Variants in PRKAB1 observed in about 807,000 individuals in gnomAD.
The protein encoded by PRKAB1 is protein kinase AMP-activated non-catalytic subunit beta 1, also known as 5'-AMP-activated protein kinase subunit beta-1.
PRKAB1 carries 18 observed loss-of-function variants against 32.0 expected under a neutral mutation model. That is an observed-to-expected ratio of 0.56 (90% CI 0.39 to 0.83). The LOEUF (loss-of-function observed/expected upper bound fraction) is 0.83, where lower values mean the gene tolerates loss of function less well. PRKAB1 is among the 40% of genes least tolerant of loss of function. The pLI is 0.00. For missense variants in PRKAB1, 263 were observed against 352.6 expected (o/e 0.75, Z 2.03); for synonymous variants, 141 against 141.4 (o/e 1.00, Z 0.02).
At chr12:119,673,672 G>A (rs964318043) in intron 2 of PRKAB1, 3 of 264,402 alleles carry the variant, frequency 1.1e-5, no homozygotes, top group African/African-American at 2.2e-5. Context: ...GGAGCCTTGC[G>A]AGCTTGAGAC....
Position 119,676,631 on chromosome 12 carries a change from TCTC to T in PRKAB1, c.632_634del (p.Leu211del). 1.2e-6 allele frequency: 2 copies of T among 1,612,868 alleles called. No individual in the cohort carries two copies. The highest frequency in any genetic ancestry group is 1.1e-5 in the South Asian group (1 of 91,002). The stretch of plus-strand genomic sequence containing the variant: ...GGGCACCCCCTATTCTCCCCCCACA[TCTC>T]CTCCAGGTCATCCTGAACAAGGACA... On this transcript the variant is annotated inframe_deletion, in exon 5 of 7. Coordinates refer to ENST00000229328, the MANE Select transcript of PRKAB1 (RefSeq NM_006253.5).
In PRKAB1 at chr12:119,674,439, T is replaced by C; in HGVS notation, c.517T>C (p.Cys173Arg). The C allele has an allele frequency of 6.2e-7, 1 of 1,611,922 alleles. No homozygotes were observed. The highest frequency in any genetic ancestry group is 1.1e-5 in the South Asian group (1 of 91,050). The part of the protein sequence containing the change: ...FDALMVDSQK[C>R]SDVSELSSSP... ...TGCTTTAATGGTGGATTCCCAAAAG[T>C]GCTCCGATGTGTCTGGTATGAACAC... The change falls in exon 4 of 7, where the codon TGC becomes CGC. Residue 173 changes from cysteine to arginine, a missense_variant. Physicochemically the swap from Cys to Arg is radical, Grantham distance 180. Transcript: ENST00000229328. This position sits in a 1 kb window ranked among gnomAD's most constrained non-coding sequence, Gnocchi z 4.3.
chr12:119,670,773 CTAGG>C (rs1289661568), intron 1 of PRKAB1, among the ~76,000 whole-genome samples: 3 of 152,198 alleles, frequency 2.0e-5, no homozygotes, highest in African/African-American at 7.2e-5. Context: ...TTTAACTACA[CTAGG>C]GTGCTATTTT....
chr12:119,673,762 CTG>C (rs984464519), intron 2 of PRKAB1, 200 bp from the exon 3 acceptor site: 33 of 447,916 alleles, frequency 7.4e-5, no homozygotes, highest in African/African-American at 4.1e-5. Flanking sequence ...TTTCAGGAAA[CTG>C]TGTCGCACTG....
intron 1 of PRKAB1, among the ~76,000 whole-genome samples, chr12:119,669,116 CA>C (rs143498297): frequency 6.2e-5 from 9 of 145,382 alleles, no homozygotes; most frequent in Admixed American, 6.9e-5. Context: ...GACTTCGTCT[CA>C]AAAAAAAAAT....
intron 6 of PRKAB1, 98 bp from the exon 7 acceptor site, chr12:119,680,150 G>T: frequency 6.7e-7 from 1 of 1,490,126 alleles, no homozygotes; most frequent in Non-Finnish European, 9.3e-7. Flanking sequence ...AAGCTGGCCC[G>T]GGAATTTGTG....
rs769825000 is a variant in PRKAB1 at position 119,668,416 on chromosome 12, T to C, written c.159+13T>C. ...CGAGGAAATCAAGGTGCGAGCGGTG[T>C]GGAGGAACCCGATTCCCCTTGACTA... On this transcript the variant is annotated intron_variant, in intron 1 of 6. Coordinates refer to ENST00000229328, the MANE Select transcript of PRKAB1 (RefSeq NM_006253.5). 3 of 1,611,410 alleles carry C rather than the reference T, an allele frequency of 1.9e-6. No homozygotes were observed. In the South Asian group the frequency reaches 3.3e-5, roughly 18 times the overall value.
Position 119,674,108 on chromosome 12 carries a change from A to G in PRKAB1, c.417+51A>G. ...TCTGGGTGCCCGCACATTCCAAACA[A>G]ATCACCTTCCCAAGAGATTGCCGCT... On this transcript the variant is annotated intron_variant, in intron 3 of 6. Transcript: ENST00000229328. This position sits in a 1 kb window ranked among gnomAD's most constrained non-coding sequence, Gnocchi z 4.3. 1 of 1,533,632 alleles carries G rather than the reference A, an allele frequency of 6.5e-7. No homozygotes were observed. Among genetic ancestry groups the G allele is most frequent in the South Asian group, 1.2e-5 (1 of 86,942 alleles).
At position 119,674,753 on chromosome 12, in the gene PRKAB1, C is replaced by A. The variant is rs1187890929; in HGVS notation, c.532+299C>A. 6.6e-6 allele frequency among the ~76,000 whole-genome samples: 1 copy of A among 152,222 alleles called. No individual in the cohort carries two copies. Among genetic ancestry groups the A allele is most frequent in the Non-Finnish European group, 1.5e-5 (1 of 68,048 alleles). The stretch of plus-strand genomic sequence containing the variant: ...CGTGCCAAGGGCAGGGCTGAAGAGG[C>A]CCTGGAGGGTGGCACTGAGTCAGTG... On this transcript the variant is annotated intron_variant, in intron 4 of 6. Coordinates refer to ENST00000229328, the MANE Select transcript of PRKAB1 (RefSeq NM_006253.5). This position sits in a 1 kb window ranked among gnomAD's most constrained non-coding sequence, Gnocchi z 4.3.
At position 119,672,474 on chromosome 12, in the gene PRKAB1, T is replaced by C. The variant is rs767585971; in HGVS notation, c.323+10T>C. Reference sequence around the variant, plus strand: ...TTCCCCTCACCAGAAGGTAATTGCCTGGGGAGTGTTCACATATTTGTCTTA... The same window carrying C: ...TTCCCCTCACCAGAAGGTAATTGCCCGGGGAGTGTTCACATATTTGTCTTA... On this transcript the variant is annotated intron_variant, in intron 2 of 6. Coordinates refer to ENST00000229328, the MANE Select transcript of PRKAB1 (RefSeq NM_006253.5). 3.9e-6 allele frequency: 6 copies of C among 1,557,490 alleles called. No individual in the cohort carries two copies. The highest frequency in any genetic ancestry group is 1.8e-4 in the Middle Eastern group (1 of 5,672).
At position 119,676,192 on chromosome 12, in the gene PRKAB1, G is replaced by T. The variant is rs576150415; in HGVS notation, c.533-345G>T. Among the ~76,000 whole-genome samples the T allele has an allele frequency of 3.9e-5, 6 of 152,188 alleles. No homozygotes were observed. The South Asian group carries it at 1.2e-3, about 32-fold the overall frequency. ...TAGCCTCCAGCTTCTTTGTGGTTTT[G>T]CCAGCCCAGCCTGAAGGGAGAAGGA... On this transcript the variant is annotated intron_variant, in intron 4 of 6. Coordinates refer to ENST00000229328, the MANE Select transcript of PRKAB1 (RefSeq NM_006253.5).
intron 2 of PRKAB1, among the ~76,000 whole-genome samples, chr12:119,673,164 G>T (rs1955399659): frequency 6.6e-6 from 1 of 152,210 alleles, no homozygotes; most frequent in African/African-American, 2.4e-5. Context: ...TGAGAGGTCA[G>T]TGCTGTAGTG....
Position 119,668,147 on chromosome 12 carries a change from G to A in PRKAB1, c.-98G>A, listed in dbSNP as rs1208676641. ...CCTGGTGCTCCGACTCCTTCCGCAGGCTCCTTGGGACCCGCGGTTCCGGGA... is the reference window on the plus strand; with the variant it reads ...CCTGGTGCTCCGACTCCTTCCGCAGACTCCTTGGGACCCGCGGTTCCGGGA... On this transcript the variant is annotated 5_prime_UTR_variant, in exon 1 of 7. Transcript: ENST00000229328. 1.5e-6 allele frequency: 2 copies of A among 1,343,622 alleles called. No individual in the cohort carries two copies. Among genetic ancestry groups the A allele is most frequent in the Non-Finnish European group, 1.9e-6 (2 of 1,034,134 alleles). 83.2% of individuals were successfully genotyped at this position (1,343,622 alleles called of 1,614,324 possible).
At position 119,680,014 on chromosome 12, in the gene PRKAB1, C is replaced by CT. The variant is rs1565877660; in HGVS notation, c.735+14dup. On this transcript the variant is annotated intron_variant, in intron 6 of 6. Coordinates refer to ENST00000229328, the MANE Select transcript of PRKAB1 (RefSeq NM_006253.5). ...GCTGTCTATCAAGGTAATGACATGT[C>CT]TGTCCCCATGAGAGCTGTGTTGCCC... The CT allele has an allele frequency of 6.8e-6, 11 of 1,609,492 alleles. No individual in the cohort carries two copies. Among genetic ancestry groups the CT allele is most frequent in the Non-Finnish European group, 9.4e-6 (11 of 1,175,746 alleles).
At chr12:119,668,030 C>A (rs983401785), upstream of PRKAB1, 6 of 548,822 alleles carry the variant, frequency 1.1e-5, no homozygotes, top group Non-Finnish European at 1.8e-5. Flanking sequence ...GTTCTTGCCG[C>A]GGCTTGCCTG....
chr12:119,671,588 A>G (rs1955389314), intron 1 of PRKAB1: 1 of 316,440 alleles, frequency 3.2e-6, no homozygotes, highest in Admixed American at 3.4e-5. Flanking sequence ...AGAGAACAGC[A>G]TGGGGAAACC....
Position 119,672,381 on chromosome 12 carries a change from G to C in PRKAB1, c.240G>C (p.Thr80=). The C allele has an allele frequency of 6.2e-7, 1 of 1,612,814 alleles. No individual in the cohort carries two copies. The change falls in exon 2 of 7, where the codon ACG becomes ACC. Residue 80 remains threonine, a synonymous_variant. Coordinates refer to ENST00000229328, the MANE Select transcript of PRKAB1 (RefSeq NM_006253.5). ...AAGCTCCCGCCCAGGCTCGGCCAAC[G>C]GTGTTTCGATGGACGGGGGGCGGAA... The part of the protein sequence containing the change: ...NDKAPAQARP[T]VFRWTGGGKE...
chr12:119,668,394 G>A lies in PRKAB1; in HGVS notation c.150G>A (p.Glu50=), dbSNP rs776887256. ...AAGACGCCGACCTCTTCCACTCCGAGGAAATCAAGGTGCGAGCGGTGTGGA... is the reference window on the plus strand; with the variant it reads ...AAGACGCCGACCTCTTCCACTCCGAAGAAATCAAGGTGCGAGCGGTGTGGA... ...SPEDADLFHS[E]EIKAPEKEEF... is the part of the protein sequence containing the mutation. Residue 50 remains glutamate (E), a synonymous_variant, in exon 1 of 7, where the codon GAG becomes GAA. Transcript: ENST00000229328. The A allele has an allele frequency of 1.2e-6, 2 of 1,612,810 alleles. No individual in the cohort carries two copies. The highest frequency in any genetic ancestry group is 1.7e-5 in the Admixed American group (1 of 59,858).
In PRKAB1 at chr12:119,674,858, C is replaced by T. The variant is rs570814845; in HGVS notation, c.532+404C>T. The stretch of plus-strand genomic sequence containing the variant: ...TTTCAGCCTGACAGGTGTAAATGGA[C>T]ACCTCAGTGACCTTAGCAGTCACTT... On this transcript the variant is annotated intron_variant, in intron 4 of 6. Transcript: ENST00000229328. This position sits in a 1 kb window ranked among gnomAD's most constrained non-coding sequence, Gnocchi z 4.3. 6.6e-6 allele frequency among the ~76,000 whole-genome samples: 1 copy of T among 152,226 alleles called. No homozygotes were observed. The highest frequency in any genetic ancestry group is 1.5e-5 in the Non-Finnish European group (1 of 68,044).
Sources: gnomAD v4.1 joint callset for allele counts (sites outside exome capture counted in the v4.1 genomes callset) on GRCh38, gnomAD v4.1.1 for gene constraint, Gnocchi (gnomAD v3.1) non-coding constraint, MANE v1.5 for transcripts, NCBI Gene and HGNC (gene_info 2026-07-23, HGNC 2026-07-21) for gene names.